RTEL1: variants seen among roughly 807,000 people sequenced by gnomAD.
The protein encoded by RTEL1 is regulator of telomere elongation helicase 1.
RTEL1 carries 86 observed loss-of-function variants against 162.2 expected under a neutral mutation model. The ratio of observed to expected loss-of-function variants is 0.53; its 90% CI spans 0.45 to 0.63. The LOEUF is 0.63. RTEL1 is among the 30% of genes least tolerant of loss of function. The pLI is 0.00. For missense variants in RTEL1, 1,941 were observed against 1,750.2 expected (o/e 1.11, Z -1.95); for synonymous variants, 958 against 717.9 (o/e 1.33, Z -5.35).
rs2090699001 is a variant in RTEL1, at chr20:63,690,167, T to G, written c.2222T>G (p.Val741Gly). ...AGGGTGTATGACAACTTTGGCCATG[T>G]CATCCGAGACGTGGCCCAGTTCTTC... Reference protein sequence around the residue: ...HVRVYDNFGHVIRDVAQFFRV... With the variant: ...HVRVYDNFGHGIRDVAQFFRV... Residue 741 changes from valine (V) to glycine (G), a missense_variant, in exon 25 of 35, where the codon GTC (valine) becomes GGC (glycine). Val to Gly is a moderately radical substitution (Grantham distance 109). Transcript: ENST00000360203. 6.2e-7 allele frequency: 1 copy of G among 1,612,460 alleles called. No individual in the cohort carries two copies. Among genetic ancestry groups the G allele is most frequent in the Non-Finnish European group, 8.5e-7 (1 of 1,179,846 alleles).
chr20:63,688,783 C>G, intron 21 of RTEL1, 178 bp downstream of exon 21: 1 of 653,042 alleles, frequency 1.5e-6, no homozygotes, highest in African/African-American at 1.8e-5. Context: ...TACAAAGCCC[C>G]CAGCACCGGG....
intron 16 of RTEL1, chr20:63,686,378 G>A (rs527553053): frequency 2.8e-5 from 5 of 181,140 alleles, no homozygotes; most frequent in South Asian, 1.1e-4. Flanking sequence ...TGCCGGGGAC[G>A]CTGTGTGGAT....
intron 6 of RTEL1, 71 bp from the exon 7 acceptor site, chr20:63,665,932 TG>T: frequency 6.9e-7 from 1 of 1,451,672 alleles, no homozygotes. Flanking sequence ...CGTTCTGTCC[TG>T]GGCATCCCCC....
Position 63,689,660 on chromosome 20 carries a change from C to T in RTEL1, c.2025+12C>T, listed in dbSNP as rs2090678468. The T allele has an allele frequency of 1.1e-5, 18 of 1,609,656 alleles. No individual in the cohort carries two copies. The East Asian group carries it at 4.0e-4, about 36-fold the overall frequency. On this transcript the variant is annotated intron_variant, in intron 23 of 34. Transcript: ENST00000360203. The stretch of plus-strand genomic sequence containing the variant: ...GGGCTGGGGGCCAGGTGAGTTACAG[C>T]AGGGTGGGGCTGGGGTAAGGCGGTC...
At chr20:63,680,361 C>T (rs2090454877) in intron 13 of RTEL1, among the ~76,000 whole-genome samples, 4 of 152,214 alleles carry the variant, frequency 2.6e-5, no homozygotes, top group East Asian at 1.9e-4. Context: ...TCCTCTGCTG[C>T]GCTCCCGGGT....
intron 8 of RTEL1, among the ~76,000 whole-genome samples, chr20:63,671,443 C>T (rs2090239440): frequency 6.6e-6 from 1 of 152,036 alleles, no homozygotes. Context: ...GTGCACATAA[C>T]TGCCAGAACT....
At chr20:63,660,943 G>A (rs2090007492) in intron 2 of RTEL1, 1 of 260,628 alleles carries the variant, frequency 3.8e-6, no homozygotes, top group Admixed American at 5.1e-5. Context: ...TTGTATGTAG[G>A]ACGTCAGATA....
intron 7 of RTEL1, among the ~76,000 whole-genome samples, chr20:63,666,587 G>A (rs1422917310): frequency 3.3e-5 from 5 of 152,318 alleles, no homozygotes; most frequent in Admixed American, 2.6e-4. Flanking sequence ...CCAGGCTGCA[G>A]TGCAGTGTCA....
rs775121139 is a variant in RTEL1, at chr20:63,690,303, C to G, written c.2275C>G (p.Pro759Ala). The G allele has an allele frequency of 1.1e-4, 174 of 1,605,474 alleles. No individual in the cohort carries two copies. The highest frequency in any genetic ancestry group is 1.4e-4 in the Non-Finnish European group (170 of 1,174,728). ...CCCCATGGTTCTGCAGATGCCAGCG[C>G]CGGCCCCCCGGGCTACAGCACCCAG... ...FRVAERTMPAPAPRATAPSVR... is the reference protein window; with the variant it reads ...FRVAERTMPAAAPRATAPSVR... Residue 759 changes from proline to alanine, a missense_variant, in exon 26 of 35, where the codon CCG becomes GCG. Physicochemically the swap from Pro to Ala is conservative, Grantham distance 27 (BLOSUM62 -1). Transcript: ENST00000360203.
At chr20:63,691,908 C>T in intron 28 of RTEL1, 71 bp downstream of exon 28, 1 of 1,277,608 alleles carries the variant, frequency 7.8e-7, no homozygotes, top group South Asian at 1.2e-5. Context: ...TGGGTGCCCC[C>T]AGCCACGGCT....
intron 14 of RTEL1, chr20:63,681,180 C>A: frequency 1.0e-6 from 1 of 985,426 alleles, no homozygotes; most frequent in Non-Finnish European, 1.2e-6. Context: ...GGGGGTGCGA[C>A]CCTGGCCCCC....
At chr20:63,680,509 C>T (rs2090457575) in intron 13 of RTEL1, among the ~76,000 whole-genome samples, 155 bp from the exon 14 acceptor site, 1 of 152,260 alleles carries the variant, frequency 6.6e-6, no homozygotes, top group African/African-American at 2.4e-5. Context: ...GAACTGCCCG[C>T]CCTGAATGGA....
Position 63,673,986 on chromosome 20 carries a change from A to T in RTEL1, c.812A>T (p.Asp271Val). 6.2e-7 allele frequency: 1 copy of T among 1,614,004 alleles called. No homozygotes were observed. The highest frequency in any genetic ancestry group is 8.5e-7 in the Non-Finnish European group (1 of 1,179,976). ...GCATCCTTTGACCTGACTCCCCATG[A>T]CCTGGCTTCAGGACTGGACGTCATA... is the stretch of plus-strand genomic sequence containing the variant. ...ESASFDLTPH[D>V]LASGLDVIDQ... The change falls in exon 10 of 35, where the codon GAC (aspartate) becomes GTC (valine). Residue 271 changes from aspartate (D) to valine (V), a missense_variant. Physicochemically the swap from Asp to Val is radical, Grantham distance 152. Transcript: ENST00000360203.
rs545606632 is a variant in RTEL1 at position 63,695,417 on chromosome 20, G to A, written c.3589G>A (p.Gly1197Ser). ...GCCAGCAGGGACTGTGGGGGCGGGC[G>A]GTGAGGATGCAGGTCCCAGCCAGTC... ...QRPAGTVGAG[G>S]EDAGPSQSSG... The change falls in exon 34 of 35, where the codon GGT becomes AGT. Residue 1197 changes from glycine to serine, a missense_variant. Physicochemically the swap from Gly to Ser is moderately conservative, Grantham distance 56. Coordinates refer to ENST00000360203, the MANE Select transcript of RTEL1 (RefSeq NM_001283009.2). 5.5e-5 allele frequency: 86 copies of A among 1,562,424 alleles called. 1 individual carries two copies. The East Asian group carries it at 5.6e-4, about 10-fold the overall frequency.
Position 63,662,763 on chromosome 20 carries a change from G to T in RTEL1, c.478-66G>T. ...GACTGCAGGGGAGGACCTGGTGGGG[G>T]TGGGGACTGGCTTCGGTCCTTTCTT... On this transcript the variant is annotated intron_variant, in intron 5 of 34. Coordinates refer to ENST00000360203, the MANE Select transcript of RTEL1 (RefSeq NM_001283009.2). The T allele has an allele frequency of 2.7e-5, 43 of 1,598,826 alleles. 1 individual carries two copies. The South Asian group carries it at 4.7e-4, about 18-fold the overall frequency.
rs540349964 is a variant in RTEL1 at position 63,689,889 on chromosome 20, G to A, written c.2141+24G>A. 88 of 1,588,606 alleles carry A rather than the reference G, an allele frequency of 5.5e-5. No individual in the cohort carries two copies. In the Admixed American group the frequency reaches 6.5e-4, roughly 12 times the overall value. On this transcript the variant is annotated intron_variant, in intron 24 of 34. Coordinates refer to ENST00000360203, the MANE Select transcript of RTEL1 (RefSeq NM_001283009.2). ...AGGTGCGTGCAGTCCGGTGGCAGGCGCGGCGCCAGGGGACACGCCCACACC... is the reference window on the plus strand; with the variant it reads ...AGGTGCGTGCAGTCCGGTGGCAGGCACGGCGCCAGGGGACACGCCCACACC...
intron 14 of RTEL1, chr20:63,681,267 C>T: frequency 1.0e-6 from 1 of 985,424 alleles, no homozygotes; most frequent in Non-Finnish European, 1.2e-6. Flanking sequence ...TATGGCAGCA[C>T]CTGCTTTCCC....
chr20:63,685,477 G>A, intron 14 of RTEL1, 46 bp from the exon 15 acceptor site: 1 of 1,591,092 alleles, frequency 6.3e-7, no homozygotes, highest in Non-Finnish European at 8.6e-7. Flanking sequence ...CAGAAAGTCG[G>A]GTGGCCTCAG....
Position 63,694,419 on chromosome 20 carries a change from C to G in RTEL1, c.3040C>G (p.Gln1014Glu), listed in dbSNP as rs747743374. The G allele has an allele frequency of 7.4e-6, 12 of 1,612,322 alleles. No homozygotes were observed. Among genetic ancestry groups the G allele is most frequent in the Middle Eastern group, 1.6e-4 (1 of 6,080 alleles). ...PKLTVSTAAA[Q>E]QLDPQEHLNQ... is the part of the protein sequence containing the mutation. ...GCTGACCGTGTCCACGGCTGCAGCC[C>G]AGCAGCTGGACCCCCAAGAGCACCT... Residue 1014 changes from glutamine (Q) to glutamate (E), a missense_variant, in exon 31 of 35, where the codon CAG becomes GAG. Coordinates refer to ENST00000360203, the MANE Select transcript of RTEL1 (RefSeq NM_001283009.2).
Sources: allele counts gnomAD v4.1 joint callset (sites outside exome capture counted in the v4.1 genomes callset), GRCh38; gene constraint gnomAD v4.1.1; transcripts MANE v1.5; gene names NCBI Gene and HGNC (gene_info 2026-07-23, HGNC 2026-07-21).